Variants in ZCWPW2 observed in about 807,000 individuals in gnomAD.
ZCWPW2 encodes the protein zinc finger CW-type and PWWP domain containing 2, also known as zinc finger CW-type PWWP domain protein 2.
In ZCWPW2, 45 loss-of-function variants were observed where a neutral mutation model predicts 46.6. The observed-to-expected ratio is 0.96, with a 90% CI of 0.76 to 1.24. ZCWPW2 has a LOEUF of 1.24. Ranked by LOEUF, ZCWPW2 falls within the 50% of genes most tolerant of loss-of-function variation. ZCWPW2 has a pLI of 0.00. For synonymous variants in ZCWPW2, 152 were observed against 137.1 expected (o/e 1.11, Z -0.76); for missense variants, 429 against 403.9 (o/e 1.06, Z -0.53).
At chr3:28,441,264 C>T (rs1370292540) in intron 4 of ZCWPW2, among the ~76,000 whole-genome samples, 1 of 152,194 alleles carries the variant, frequency 6.6e-6, no homozygotes, top group Non-Finnish European at 1.5e-5. Context: ...GAGGTCCATC[C>T]ACATACCTCT....
intron 3 of ZCWPW2, among the ~76,000 whole-genome samples, chr3:28,430,050 C>T (rs1281281924): frequency 6.6e-6 from 1 of 152,146 alleles, no homozygotes; most frequent in African/African-American, 2.4e-5. Flanking sequence ...TGAGGCACTG[C>T]CTAGTGGAGC....
chr3:28,503,844 A>C (rs1418078691), intron 6 of ZCWPW2, among the ~76,000 whole-genome samples: 2 of 151,938 alleles, frequency 1.3e-5, no homozygotes, highest in Non-Finnish European at 2.9e-5. Context: ...CTACTTCTAA[A>C]ATTATTTAAA....
chr3:28,396,001 G>A (rs1253757626), intron 2 of ZCWPW2, among the ~76,000 whole-genome samples: 1 of 152,014 alleles, frequency 6.6e-6, no homozygotes, highest in Admixed American at 6.5e-5. Context: ...TATATACCTT[G>A]GTATATACAG....
chr3:28,523,315 A>G (rs1700771411), intron 9 of ZCWPW2, among the ~76,000 whole-genome samples: 1 of 152,112 alleles, frequency 6.6e-6, no homozygotes, highest in Non-Finnish European at 1.5e-5. Flanking sequence ...TCACTTTTAA[A>G]TGAGGAGAAT....
intron 2 of ZCWPW2, among the ~76,000 whole-genome samples, chr3:28,392,158 A>G (rs1204020642): frequency 1.3e-5 from 2 of 152,180 alleles, no homozygotes; most frequent in African/African-American, 4.8e-5. Context: ...AGAATCCAAA[A>G]GAGGCCAGGG....
intron 4 of ZCWPW2, among the ~76,000 whole-genome samples, chr3:28,466,657 A>G (rs1180381039): frequency 2.0e-5 from 3 of 151,932 alleles, no homozygotes; most frequent in Non-Finnish European, 4.4e-5. Context: ...AAATTAGCCA[A>G]GTGTGGTGGC....
intron 5 of ZCWPW2, among the ~76,000 whole-genome samples, chr3:28,480,673 G>T (rs1216233048): frequency 1.3e-5 from 2 of 152,050 alleles, no homozygotes; most frequent in African/African-American, 2.4e-5. Flanking sequence ...GTCCTGAATG[G>T]TATTGCCTGA....
rs377218523 is a variant in ZCWPW2 at position 28,491,835 on chromosome 3, C to T, written c.611-292C>T. Among the ~76,000 whole-genome samples, 8 of 152,130 alleles carry T rather than the reference C, an allele frequency of 5.3e-5. No homozygotes were observed. In the East Asian group the frequency reaches 9.7e-4, roughly 18 times the overall value. The stretch of plus-strand genomic sequence containing the variant: ...CCAGAGCACACAAGCTCCCCAGAAC[C>T]TAGAAATAAGATATACTAGACACCA... On this transcript the variant is annotated intron_variant, in intron 5 of 9. Transcript: ENST00000383768.
Position 28,475,732 on chromosome 3 carries a change from A to T in ZCWPW2, c.493-3082A>T, listed in dbSNP as rs1257428415. Among the ~76,000 whole-genome samples, 3 of 152,068 alleles carry T rather than the reference A, an allele frequency of 2.0e-5. No individual in the cohort carries two copies. In the East Asian group the frequency reaches 5.8e-4, roughly 29 times the overall value. On this transcript the variant is annotated intron_variant, in intron 4 of 9. Transcript: ENST00000383768. ...TTAGAGGATTTTTTTCTCTGCCTGG[A>T]GTATGCTTTCCATGGATTTATATAT...
intron 6 of ZCWPW2, chr3:28,511,039 A>G (rs950931516): frequency 2.2e-6 from 1 of 455,834 alleles, no homozygotes; most frequent in African/African-American, 2.0e-5. Flanking sequence ...GTCAACGCTA[A>G]GAATCTACCC....
intron 1 of ZCWPW2, among the ~76,000 whole-genome samples, chr3:28,382,567 C>T (rs1178609783): frequency 2.6e-5 from 4 of 152,092 alleles, no homozygotes; most frequent in Non-Finnish European, 4.4e-5. Context: ...TAGTGGTTTT[C>T]TTGCTTTTGT....
At chr3:28,447,902 G>A in intron 4 of ZCWPW2, 1 of 842,532 alleles carries the variant, frequency 1.2e-6, no homozygotes, top group South Asian at 1.3e-5. Flanking sequence ...CGTGCTGTGA[G>A]GCCTAAAGTT....
intron 4 of ZCWPW2, among the ~76,000 whole-genome samples, chr3:28,450,865 A>T (rs1239576936): frequency 6.6e-6 from 1 of 152,204 alleles, no homozygotes; most frequent in Non-Finnish European, 1.5e-5. Flanking sequence ...TAGCTCCAAT[A>T]ATGCTGCTTT....
chr3:28,399,421 A>G (rs1034325743), intron 2 of ZCWPW2, among the ~76,000 whole-genome samples: 10 of 152,114 alleles, frequency 6.6e-5, no homozygotes, highest in African/African-American at 2.4e-4. Context: ...GTTCCTTTAC[A>G]TACTGCCACA....
intron 1 of ZCWPW2, among the ~76,000 whole-genome samples, chr3:28,369,879 G>A (rs887666764): frequency 9.8e-5 from 15 of 152,290 alleles, no homozygotes; most frequent in Admixed American, 3.3e-4. Context: ...CCCCAGCCTC[G>A]CTGCCACCTT....
intron 1 of ZCWPW2, among the ~76,000 whole-genome samples, chr3:28,356,075 TG>T (rs1704719258): frequency 6.6e-6 from 1 of 152,120 alleles, no homozygotes; most frequent in Non-Finnish European, 1.5e-5. Context: ...ACCTACAGAA[TG>T]GGAGAAAATT....
intron 8 of ZCWPW2, among the ~76,000 whole-genome samples, chr3:28,520,679 T>C (rs1434576092): frequency 6.6e-6 from 1 of 152,190 alleles, no homozygotes; most frequent in East Asian, 1.9e-4. Flanking sequence ...ATAAATAATA[T>C]AATTTAGCTT....
chr3:28,444,842 A>G (rs1385508955), intron 4 of ZCWPW2, among the ~76,000 whole-genome samples: 1 of 152,166 alleles, frequency 6.6e-6, no homozygotes, highest in Non-Finnish European at 1.5e-5. Flanking sequence ...TTCTCCAGAT[A>G]TGGTCAAACG....
At chr3:28,374,907 C>T (rs1392246745) in intron 1 of ZCWPW2, among the ~76,000 whole-genome samples, 1 of 151,794 alleles carries the variant, frequency 6.6e-6, no homozygotes, top group African/African-American at 2.4e-5. Flanking sequence ...TGTGTGTTAC[C>T]AAGAGTGAGG....
Sources: gnomAD v4.1 joint callset for allele counts (sites outside exome capture counted in the v4.1 genomes callset) on GRCh38, gnomAD v4.1.1 for gene constraint, MANE v1.5 for transcripts, NCBI Gene and HGNC (gene_info 2026-07-23, HGNC 2026-07-21) for gene names.